ZDHHC2: variants seen among roughly 807,000 people sequenced by gnomAD.
ZDHHC2 encodes palmitoyltransferase ZDHHC2.
Under a neutral mutation model 55.6 loss-of-function variants are expected in ZDHHC2, and 51 were observed. That is an observed-to-expected ratio of 0.92 (90% CI 0.73 to 1.16). The LOEUF (loss-of-function observed/expected upper bound fraction) is 1.16. Ranked by LOEUF, ZDHHC2 falls within the 50% of genes most tolerant of loss-of-function variation. The pLI is 0.00. For synonymous variants in ZDHHC2, 199 were observed against 152.9 expected, an observed-to-expected ratio of 1.30 and a Z score of -2.22; for missense variants, 491 against 442.4, an observed-to-expected ratio of 1.11 and a Z score of -0.99.
intron 6 of ZDHHC2, among the ~76,000 whole-genome samples, chr8:17,204,086 G>T (rs746139693): frequency 6.6e-6 from 1 of 152,190 alleles, no homozygotes; most frequent in Non-Finnish European, 1.5e-5. Context: ...GATTACAGGT[G>T]TGAGCCACCA....
chr8:17,205,544 A>C, intron 6 of ZDHHC2, 111 bp from the exon 7 acceptor site: 1 of 1,236,362 alleles, frequency 8.1e-7, no homozygotes, highest in East Asian at 2.7e-5. Flanking sequence ...GTTATATTTA[A>C]AGAAATGCCA....
At chr8:17,164,155 T>A (rs1341146501) in intron 1 of ZDHHC2, among the ~76,000 whole-genome samples, 2 of 152,210 alleles carry the variant, frequency 1.3e-5, no homozygotes, top group African/African-American at 4.8e-5. Context: ...AATATCACAC[T>A]TTATATCATT....
At chr8:17,191,692 A>G (rs1806037374) in intron 3 of ZDHHC2, among the ~76,000 whole-genome samples, 1 of 152,190 alleles carries the variant, frequency 6.6e-6, no homozygotes, top group African/African-American at 2.4e-5. Flanking sequence ...GTAAGTAAAC[A>G]CCACATTTTC....
intron 1 of ZDHHC2, among the ~76,000 whole-genome samples, chr8:17,182,765 T>TG (rs974745971): frequency 6.6e-6 from 1 of 152,128 alleles, no homozygotes; most frequent in Non-Finnish European, 1.5e-5. Context: ...CACCTTTTTT[T>TG]TTGTTGTTGT....
intron 7 of ZDHHC2, among the ~76,000 whole-genome samples, chr8:17,207,155 C>T (rs959281544): frequency 2.9e-4 from 44 of 152,234 alleles, no homozygotes; most frequent in African/African-American, 9.6e-4. Flanking sequence ...GTCTTGTGAC[C>T]GGTGTCATTT....
At chr8:17,184,739 C>G in intron 1 of ZDHHC2, 50 bp from the exon 2 acceptor site, 1 of 1,493,228 alleles carries the variant, frequency 6.7e-7, no homozygotes, top group Non-Finnish European at 9.0e-7. Flanking sequence ...GTGTCAAGCC[C>G]CGTTTGCCAT....
At chr8:17,215,720 C>A (rs1275436190) in intron 11 of ZDHHC2, among the ~76,000 whole-genome samples, 1 of 152,168 alleles carries the variant, frequency 6.6e-6, no homozygotes, top group Non-Finnish European at 1.5e-5. Flanking sequence ...TTATTCAGTT[C>A]TATCTTTTAC....
chr8:17,198,411 A>G lies in ZDHHC2; in HGVS notation c.474A>G (p.Pro158=), dbSNP rs778911796. 33 of 1,600,874 alleles carry G rather than the reference A, an allele frequency of 2.1e-5. No homozygotes were observed. The highest frequency in any genetic ancestry group is 2.1e-4 in the Admixed American group (12 of 58,282). Residue 158 remains proline, a splice_region_variant and synonymous_variant, in exon 6 of 13, where the codon CCA becomes CCG. Coordinates refer to ENST00000262096, the MANE Select transcript of ZDHHC2 (RefSeq NM_016353.5). Reference sequence around the variant, plus strand: ...TTTTGAAGATGGATCATCATTGTCCATGGTGAGTTGGCTGTATATTTAAAC... The same window carrying G: ...TTTTGAAGATGGATCATCATTGTCCGTGGTGAGTTGGCTGTATATTTAAAC... ...KCILKMDHHC[P]WVNNCVGFSN...
chr8:17,164,113 T>C (rs566460308), intron 1 of ZDHHC2, among the ~76,000 whole-genome samples: 1 of 152,306 alleles, frequency 6.6e-6, no homozygotes, highest in South Asian at 2.1e-4. Context: ...AAACCAGACA[T>C]GATTGCTTGA....
At chr8:17,198,172 TG>T (rs1161142717) in intron 5 of ZDHHC2, among the ~76,000 whole-genome samples, 1 of 152,216 alleles carries the variant, frequency 6.6e-6, no homozygotes, top group Non-Finnish European at 1.5e-5. Flanking sequence ...ATGTATATTT[TG>T]AATTCAAGTT....
In ZDHHC2 at chr8:17,217,882, C is replaced by G. The variant is rs566914356; in HGVS notation, c.*34+636C>G. Among the ~76,000 whole-genome samples, 249 of 152,108 alleles carry G rather than the reference C, an allele frequency of 1.6e-3. 1 individual carries two copies. The highest frequency in any genetic ancestry group is 5.5e-3 in the African/African-American group (230 of 41,500). ...CAATAAAAAGCTACAATAAGGAACCCCTTTGGAACAAACAACTATATAATA... is the reference window on the plus strand; with the variant it reads ...CAATAAAAAGCTACAATAAGGAACCGCTTTGGAACAAACAACTATATAATA... On this transcript the variant is annotated intron_variant, in intron 12 of 12. Transcript: ENST00000262096.
At chr8:17,173,150 C>G (rs868372462) in intron 1 of ZDHHC2, among the ~76,000 whole-genome samples, 6 of 152,056 alleles carry the variant, frequency 3.9e-5, no homozygotes, top group South Asian at 2.1e-4. Context: ...GAACGGCTGC[C>G]CAGGACAAAG....
chr8:17,184,763 C>A, intron 1 of ZDHHC2, 26 bp from the exon 2 acceptor site: 2 of 1,547,054 alleles, frequency 1.3e-6, no homozygotes, highest in East Asian at 2.4e-5. Flanking sequence ...CTTCATGTAA[C>A]CTATTACCTT....
intron 1 of ZDHHC2, among the ~76,000 whole-genome samples, chr8:17,183,479 G>A (rs933733812): frequency 2.0e-5 from 3 of 152,188 alleles, no homozygotes; most frequent in African/African-American, 7.2e-5. Context: ...TGGAGAACAG[G>A]CCATTTGTAA....
Position 17,215,287 on chromosome 8 carries a change from A to G in ZDHHC2, c.1001A>G (p.His334Arg). Residue 334 changes from histidine (H) to arginine (R), a missense_variant, in exon 11 of 13, where the codon CAC (histidine) becomes CGC (arginine). Coordinates refer to ENST00000262096, the MANE Select transcript of ZDHHC2 (RefSeq NM_016353.5). ...PAKPLRESQS[H>R]LLTDSQSWTE... The stretch of plus-strand genomic sequence containing the variant: ...AAGCCATTGAGAGAGTCCCAGAGCC[A>G]CCTTCTTACTGATTCTCAGTCTTGG... The G allele has an allele frequency of 6.2e-7, 1 of 1,602,086 alleles. No homozygotes were observed. The highest frequency in any genetic ancestry group is 8.5e-7 in the Non-Finnish European group (1 of 1,174,090).
chr8:17,224,171 C>T lies in ZDHHC2; in HGVS notation c.*3950C>T, dbSNP rs1445120244. 1 of 151,660 alleles carries T rather than the reference C, an allele frequency of 6.6e-6. No homozygotes were observed. Among genetic ancestry groups the T allele is most frequent in the African/African-American group, 2.4e-5 (1 of 41,400 alleles). 9.4% of individuals were successfully genotyped at this position (151,660 alleles called of 1,614,324 possible). On this transcript the variant is annotated 3_prime_UTR_variant, in exon 13 of 13. Coordinates refer to ENST00000262096, the MANE Select transcript of ZDHHC2 (RefSeq NM_016353.5). ...CCAGCAAAAAGTTCAAATACAATAA[C>T]CTGGGCAATGCCAACAGAAGACACT...
intron 3 of ZDHHC2, among the ~76,000 whole-genome samples, chr8:17,190,415 A>G (rs1270214118): frequency 6.6e-6 from 1 of 152,214 alleles, no homozygotes; most frequent in East Asian, 1.9e-4. Context: ...AGAACCTTAG[A>G]ATATTCCCTT....
rs553258864 is a variant in ZDHHC2, at chr8:17,166,394, G to GA, written c.130+9543dup. 5.3e-3 allele frequency among the ~76,000 whole-genome samples: 803 copies of GA among 152,298 alleles called. 6 individuals are homozygous for GA. Among genetic ancestry groups the GA allele is most frequent in the Middle Eastern group, 0.017 (5 of 294 alleles). ...CGAAAGGATGATCAGTTGAGATGCA[G>GA]AAGGCATCAGTTAGGTGGCGTGGAG... is the stretch of plus-strand genomic sequence containing the variant. On this transcript the variant is annotated intron_variant, in intron 1 of 12. Transcript: ENST00000262096.
intron 3 of ZDHHC2, among the ~76,000 whole-genome samples, chr8:17,192,132 C>T (rs529625626): frequency 6.6e-6 from 1 of 152,096 alleles, no homozygotes; most frequent in African/African-American, 2.4e-5. Flanking sequence ...TACAGGCATG[C>T]ATCACCACGC....
Sources: gnomAD v4.1 joint callset for allele counts (sites outside exome capture counted in the v4.1 genomes callset) on GRCh38, gnomAD v4.1.1 for gene constraint, MANE v1.5 for transcripts, NCBI Gene and HGNC (gene_info 2026-07-23, HGNC 2026-07-21) for gene names.